Variants in XPO5 observed in about 807,000 individuals in gnomAD.
The protein encoded by XPO5 is exportin 5.
A neutral mutation model predicts 160.6 loss-of-function variants in XPO5; 46 were observed. The ratio of observed to expected loss-of-function variants is 0.29; its 90% CI spans 0.23 to 0.37. XPO5 has a LOEUF of 0.37. Ranked by LOEUF, XPO5 falls within the 10% of genes least tolerant of loss-of-function variation. The pLI, the probability that XPO5 is intolerant of heterozygous loss-of-function variation, is 1.00. For missense variants in XPO5, 1,090 were observed against 1,463.9 expected, an observed-to-expected ratio of 0.74 and a Z score of 4.17; for synonymous variants, 537 against 519.3, an observed-to-expected ratio of 1.03 and a Z score of -0.46.
At chr6:43,541,197 A>G (rs1794674238) in intron 20 of XPO5, among the ~76,000 whole-genome samples, 1 of 152,226 alleles carries the variant, frequency 6.6e-6, no homozygotes, top group South Asian at 2.1e-4. Flanking sequence ...TCCTAGCACA[A>G]TAGGGTGACT....
intron 20 of XPO5, among the ~76,000 whole-genome samples, chr6:43,543,335 CCTAG>C (rs1794794227): frequency 6.6e-6 from 1 of 152,046 alleles, no homozygotes; most frequent in Non-Finnish European, 1.5e-5. Flanking sequence ...TGGCTGTAGT[CCTAG>C]CTACTCAGGA....
rs70990197 is a variant in XPO5 at position 43,533,213 on chromosome 6, T to TACACACACACACACAC, written c.2443+678_2443+693dup. 62 of 135,222 alleles carry TACACACACACACACAC rather than the reference T, an allele frequency of 4.6e-4. 1 individual carries two copies. Among genetic ancestry groups the TACACACACACACACAC allele is most frequent in the Non-Finnish European group, 5.0e-4 (31 of 62,194 alleles). 8.4% of individuals were successfully genotyped at this position (135,222 alleles called of 1,614,324 possible). The stretch of plus-strand genomic sequence containing the variant: ...TCCTTTAAAAACTTTGATACCTATC[T>TACACACACACACACAC]ACACACACACACACACACACACACA... On this transcript the variant is annotated intron_variant, in intron 21 of 31. Coordinates refer to ENST00000265351, the MANE Select transcript of XPO5 (RefSeq NM_020750.3).
chr6:43,534,051 G>C (rs1317051508), intron 20 of XPO5, 44 bp from the exon 21 acceptor site: 2 of 1,477,234 alleles, frequency 1.4e-6, no homozygotes, highest in East Asian at 4.9e-5. Flanking sequence ...ATCTGATGCA[G>C]AAGGAAAGAG....
At position 43,533,985 on chromosome 6, in the gene XPO5, G is replaced by C. The variant is rs1165730717; in HGVS notation, c.2365C>G (p.Pro789Ala). 6.2e-7 allele frequency: 1 copy of C among 1,604,262 alleles called. No individual in the cohort carries two copies. Among genetic ancestry groups the C allele is most frequent in the Non-Finnish European group, 8.5e-7 (1 of 1,173,910 alleles). Reference protein sequence around the residue: ...LIRTHNTLYAPEMLAKMAEPF... With the variant: ...LIRTHNTLYAAEMLAKMAEPF... Reference sequence around the variant, plus strand: ...TCTGCCATTTTGGCTAGCATTTCTGGTGCATATAATGTATTGTGGGTTCTG... The same window carrying C: ...TCTGCCATTTTGGCTAGCATTTCTGCTGCATATAATGTATTGTGGGTTCTG... The change falls in exon 21 of 32, where the codon CCA becomes GCA. Residue 789 changes from proline (P) to alanine (A), a missense_variant. Pro to Ala is a conservative substitution (Grantham distance 27, BLOSUM62 -1). Coordinates refer to ENST00000265351, the MANE Select transcript of XPO5 (RefSeq NM_020750.3).
intron 14 of XPO5, among the ~76,000 whole-genome samples, chr6:43,552,623 G>C (rs1795303612): frequency 6.6e-6 from 1 of 152,244 alleles, no homozygotes; most frequent in Non-Finnish European, 1.5e-5. Flanking sequence ...AAAGTGCTGC[G>C]ATTACAGGCA....
chr6:43,528,707 GCC>G, intron 24 of XPO5, 119 bp downstream of exon 24: 1 of 939,370 alleles, frequency 1.1e-6, no homozygotes, highest in Non-Finnish European at 1.7e-6. Flanking sequence ...TAGAAGCTCT[GCC>G]CAGCCAGTCT....
In XPO5 at chr6:43,560,161, A is replaced by T; in HGVS notation, c.1221+17T>A. ...GTATTCACCTACATTCCACATGTTT[A>T]GATTCCCATTATATACCTTGACCAA... On this transcript the variant is annotated intron_variant, in intron 11 of 31. Coordinates refer to ENST00000265351, the MANE Select transcript of XPO5 (RefSeq NM_020750.3). 6.2e-7 allele frequency: 1 copy of T among 1,610,814 alleles called. No homozygotes were observed. Among genetic ancestry groups the T allele is most frequent in the Non-Finnish European group, 8.5e-7 (1 of 1,178,140 alleles).
chr6:43,525,319 C>G lies in XPO5; in HGVS notation c.3067-105G>C, dbSNP rs1004943943. On this transcript the variant is annotated intron_variant, in intron 28 of 31. Transcript: ENST00000265351. ...AGGGTTTTTTTTTTTTCCTCCCCCC[C>G]TCTAAAGATGGGTTTGTTTTGTTGC... 199 of 1,092,110 alleles carry G rather than the reference C, an allele frequency of 1.8e-4. No individual in the cohort carries two copies. The African/African-American group carries it at 2.6e-3, about 14-fold the overall frequency. The allele number at this position is 1,092,110 out of a possible 1,614,324, so 67.7% of individuals were successfully genotyped here.
At chr6:43,532,919 C>A (rs557909737) in intron 21 of XPO5, among the ~76,000 whole-genome samples, 244 of 152,228 alleles carry the variant, frequency 1.6e-3, no homozygotes, top group African/African-American at 5.5e-3. Flanking sequence ...CCAAGGCAGG[C>A]AGAGCACTTG....
chr6:43,555,674 G>T, intron 13 of XPO5, 162 bp downstream of exon 13: 1 of 727,652 alleles, frequency 1.4e-6, no homozygotes, highest in Non-Finnish European at 2.0e-6. Context: ...TGCTTTCTTT[G>T]TGTCAGCCAA....
Position 43,523,614 on chromosome 6 carries a change from T to C in XPO5, c.*254A>G, listed in dbSNP as rs1793338527. 1.4e-6 allele frequency: 1 copy of C among 716,476 alleles called. No homozygotes were observed. Among genetic ancestry groups the C allele is most frequent in the African/African-American group, 1.8e-5 (1 of 57,090 alleles). The allele number at this position is 716,476 out of a possible 1,614,324, so 44.4% of individuals were successfully genotyped here. A position where few individuals can be genotyped will look rare whatever the true frequency, so the allele number is the denominator to read the frequency against. On this transcript the variant is annotated 3_prime_UTR_variant, in exon 32 of 32. Coordinates refer to ENST00000265351, the MANE Select transcript of XPO5 (RefSeq NM_020750.3). Reference sequence around the variant, plus strand: ...TCTAGCTTTTCTTGGAAAAGCCAAATCTCCAAGTAGAATGGGAACTATCTG... The same window carrying C: ...TCTAGCTTTTCTTGGAAAAGCCAAACCTCCAAGTAGAATGGGAACTATCTG...
intron 1 of XPO5, 115 bp from the exon 2 acceptor site, chr6:43,573,716 G>GAGTGCTGGGA: frequency 1.5e-6 from 2 of 1,301,930 alleles, no homozygotes; most frequent in Admixed American, 2.6e-5. Context: ...ACCTGTCCCA[G>GAGTGCTGGGA]CACTCTGGGA....
At chr6:43,548,606 G>T in intron 17 of XPO5, 146 bp from the exon 18 acceptor site, 1 of 676,570 alleles carries the variant, frequency 1.5e-6, no homozygotes, top group Non-Finnish European at 2.2e-6. Context: ...TCTGTTATAT[G>T]TCTTTATTTT....
Position 43,562,362 on chromosome 6 carries a change from T to G in XPO5, c.912-16A>C. ...ATCAGCAGTCCTGTAAGATGAGAATTCCTTATATCACCAACAAAATTAAAA... is the reference window on the plus strand; with the variant it reads ...ATCAGCAGTCCTGTAAGATGAGAATGCCTTATATCACCAACAAAATTAAAA... On this transcript the variant is annotated splice_polypyrimidine_tract_variant and intron_variant, in intron 8 of 31. Transcript: ENST00000265351. The G allele has an allele frequency of 6.4e-7, 1 of 1,567,570 alleles. No individual in the cohort carries two copies. The highest frequency in any genetic ancestry group is 2.3e-5 in the East Asian group (1 of 44,190).
At chr6:43,572,431 C>A (rs1002329916) in intron 3 of XPO5, 75 bp downstream of exon 3, 2 of 1,449,784 alleles carry the variant, frequency 1.4e-6, no homozygotes, top group South Asian at 2.3e-5. Flanking sequence ...AATTTTTACA[C>A]AAACTCCCTA....
chr6:43,547,820 TGA>T (rs1429221305), intron 18 of XPO5, 113 bp from the exon 19 acceptor site: 3 of 797,048 alleles, frequency 3.8e-6, no homozygotes, highest in Non-Finnish European at 6.2e-6. Context: ...GTTTTTATAG[TGA>T]GAGGAGTATA....
chr6:43,528,206 C>A lies in XPO5; in HGVS notation c.2776-1G>T. ...TAACTTGCCATTTCTGAGAAAGCCTCTGGGAAAACACAAAGGAAATAAATG... is the reference window on the plus strand; with the variant it reads ...TAACTTGCCATTTCTGAGAAAGCCTATGGGAAAACACAAAGGAAATAAATG... On this transcript the variant is annotated splice_acceptor_variant, in intron 24 of 31. Transcript: ENST00000265351. LOFTEE classifies it high-confidence loss of function. 6.3e-7 allele frequency: 1 copy of A among 1,589,982 alleles called. No homozygotes were observed. Among genetic ancestry groups the A allele is most frequent in the East Asian group, 2.3e-5 (1 of 44,146 alleles).
intron 15 of XPO5, among the ~76,000 whole-genome samples, chr6:43,550,699 A>C (rs1359327438): frequency 1.3e-5 from 2 of 152,180 alleles, no homozygotes; most frequent in African/African-American, 4.8e-5. Flanking sequence ...TGTCTCCATA[A>C]AGATGTTCTA....
intron 21 of XPO5, 100 bp from the exon 22 acceptor site, chr6:43,531,675 T>G: frequency 1.0e-6 from 1 of 990,168 alleles, no homozygotes; most frequent in Non-Finnish European, 1.6e-6. Context: ...GGTGAAGATG[T>G]GTGCATGTCT....
Sources: allele counts gnomAD v4.1 joint callset (sites outside exome capture counted in the v4.1 genomes callset), GRCh38; gene constraint gnomAD v4.1.1; transcripts MANE v1.5; gene names NCBI Gene and HGNC (gene_info 2026-07-23, HGNC 2026-07-21).